The following KSR2 variants were observed in gnomAD, a reference collection of about 807,000 sequenced individuals.
KSR2 encodes the protein kinase suppressor of ras 2.
KSR2 carries 25 observed loss-of-function variants against 107.8 expected under a neutral mutation model. The ratio of observed to expected loss-of-function variants is 0.23; its 90% CI spans 0.17 to 0.32. KSR2 has a LOEUF of 0.32. Among genes scored for constraint, KSR2 ranks in the 10% least tolerant of loss-of-function variants. The pLI is 1.00. For synonymous variants in KSR2, 480 were observed against 507.0 expected (o/e 0.95, Z 0.71); for missense variants, 887 against 1,268.9 (o/e 0.70, Z 4.57).
At chr12:117,517,007 C>A (rs542038652) in intron 14 of KSR2, among the ~76,000 whole-genome samples, 6 of 152,222 alleles carry the variant, frequency 3.9e-5, no homozygotes, top group African/African-American at 1.4e-4. Flanking sequence ...CACTTGTAGG[C>A]GGCTCACAGA....
At chr12:117,724,994 A>G (rs1055769876) in intron 4 of KSR2, among the ~76,000 whole-genome samples, 4 of 152,012 alleles carry the variant, frequency 2.6e-5, no homozygotes, top group African/African-American at 9.7e-5. Flanking sequence ...TAAACAGGAA[A>G]GAAAACTGGT....
chr12:117,870,943 T>C lies in KSR2; in HGVS notation c.181-10512A>G, dbSNP rs114924333. Among the ~76,000 whole-genome samples, 776 of 151,988 alleles carry C rather than the reference T, an allele frequency of 5.1e-3. 7 individuals carry two copies. Among genetic ancestry groups the C allele is most frequent in the African/African-American group, 0.018 (726 of 41,458 alleles). ...GAAAAACCCAGAAAACTGCACAGAG[T>C]GTGAAGCTGTGTTGGGCAGAGATCG... On this transcript the variant is annotated intron_variant, in intron 1 of 19. Transcript: ENST00000339824.
At chr12:117,714,415 T>G (rs1371818613) in intron 4 of KSR2, among the ~76,000 whole-genome samples, 2 of 152,108 alleles carry the variant, frequency 1.3e-5, no homozygotes, top group Admixed American at 6.5e-5. Flanking sequence ...AGGGGAAAGA[T>G]TCTCAGAGCC....
intron 4 of KSR2, among the ~76,000 whole-genome samples, chr12:117,685,440 C>T (rs1885531828): frequency 6.6e-6 from 1 of 152,230 alleles, no homozygotes; most frequent in Admixed American, 6.5e-5. Flanking sequence ...CTCCCCTTGC[C>T]TGAAGAAAAG....
chr12:117,901,191 G>A (rs1190101607), intron 1 of KSR2, among the ~76,000 whole-genome samples: 2 of 151,996 alleles, frequency 1.3e-5, no homozygotes, highest in Admixed American at 6.6e-5. Flanking sequence ...CCAAAAAAAC[G>A]CAGGAATATG....
chr12:117,837,431 C>T (rs574125798), intron 3 of KSR2, among the ~76,000 whole-genome samples: 1 of 152,322 alleles, frequency 6.6e-6, no homozygotes, highest in East Asian at 1.9e-4. Flanking sequence ...GGTGGCCAAA[C>T]ATGACACTGC....
chr12:117,621,781 CA>C (rs1425052171), intron 5 of KSR2, among the ~76,000 whole-genome samples: 1 of 151,962 alleles, frequency 6.6e-6, no homozygotes, highest in Non-Finnish European at 1.5e-5. Flanking sequence ...CTTGTGAGCC[CA>C]AAATTATTTC....
At chr12:117,933,331 C>T (rs1895746769) in intron 1 of KSR2, among the ~76,000 whole-genome samples, 1 of 152,144 alleles carries the variant, frequency 6.6e-6, no homozygotes, top group African/African-American at 2.4e-5. Context: ...TGGCTCATGC[C>T]TGTAATCCCA....
At chr12:117,548,431 T>C (rs1254697019) in intron 9 of KSR2, among the ~76,000 whole-genome samples, 2 of 152,210 alleles carry the variant, frequency 1.3e-5, no homozygotes, top group Non-Finnish European at 2.9e-5. Flanking sequence ...TATATTTTCT[T>C]CCTTATAATT....
chr12:117,463,354 G>C lies in KSR2; in HGVS notation c.*3845C>G, dbSNP rs913659554. 6.6e-6 allele frequency: 1 copy of C among 152,110 alleles called. No individual in the cohort carries two copies. The highest frequency in any genetic ancestry group is 2.4e-5 in the African/African-American group (1 of 41,394). 9.4% of individuals were successfully genotyped at this position (152,110 alleles called of 1,614,324 possible). On this transcript the variant is annotated 3_prime_UTR_variant, in exon 20 of 20. Coordinates refer to ENST00000339824, the MANE Select transcript of KSR2 (RefSeq NM_173598.6). ...GCCATATCCAACCCTCTCTATCAAA[G>C]GCTCCTGTTCCTCCCCTGACAGCCA... is the stretch of plus-strand genomic sequence containing the variant.
intron 10 of KSR2, among the ~76,000 whole-genome samples, chr12:117,533,821 G>A (rs1467469025): frequency 6.6e-6 from 1 of 152,134 alleles, no homozygotes; most frequent in Non-Finnish European, 1.5e-5. Context: ...CAGGTGTCAG[G>A]CAACAGGACA....
At chr12:117,935,969 C>G (rs563264114) in intron 1 of KSR2, among the ~76,000 whole-genome samples, 4 of 152,222 alleles carry the variant, frequency 2.6e-5, no homozygotes, top group African/African-American at 9.6e-5. Context: ...GAAGCCTGCT[C>G]TGCTTTTTTC....
intron 1 of KSR2, among the ~76,000 whole-genome samples, chr12:117,908,178 A>G (rs1051698128): frequency 7.9e-5 from 12 of 152,156 alleles, no homozygotes; most frequent in African/African-American, 2.9e-4. Flanking sequence ...AACTTATCAC[A>G]TATCTCATAT....
chr12:117,731,800 G>A lies in KSR2; in HGVS notation c.986+29211C>T, dbSNP rs1174484454. Among the ~76,000 whole-genome samples the A allele has an allele frequency of 2.0e-5, 3 of 151,148 alleles. No individual in the cohort carries two copies. In the East Asian group the frequency reaches 5.9e-4, roughly 30 times the overall value. ...CAGGGTTAAATGGATTAAGGGCGGT[G>A]CAAGATGTGCTTTGTTAAACAGATG... On this transcript the variant is annotated intron_variant, in intron 4 of 19. Coordinates refer to ENST00000339824, the MANE Select transcript of KSR2 (RefSeq NM_173598.6).
At chr12:117,584,200 A>T (rs554841010) in intron 5 of KSR2, among the ~76,000 whole-genome samples, 60 of 152,330 alleles carry the variant, frequency 3.9e-4, no homozygotes, top group Middle Eastern at 6.8e-3. Context: ...TTTAACTAAA[A>T]ACTAAATGTC....
At chr12:117,883,161 C>T (rs1420032290) in intron 1 of KSR2, among the ~76,000 whole-genome samples, 2 of 152,146 alleles carry the variant, frequency 1.3e-5, no homozygotes, top group African/African-American at 2.4e-5. Flanking sequence ...CATCTAGCAC[C>T]ATATATTAAA....
At chr12:117,845,857 AT>A (rs113724436) in intron 3 of KSR2, among the ~76,000 whole-genome samples, 3,981 of 143,936 alleles carry the variant, frequency 0.028, 179 homozygotes, top group African/African-American at 0.092. Context: ...TTTTGTATTT[AT>A]TTTTTTTTTT....
At chr12:117,527,013 T>G (rs1340807375) in intron 13 of KSR2, 58 bp downstream of exon 13, 2 of 1,501,764 alleles carry the variant, frequency 1.3e-6, no homozygotes, top group African/African-American at 2.8e-5. Flanking sequence ...GTCAGTCGGC[T>G]TTGCCAAGTT....
intron 14 of KSR2, among the ~76,000 whole-genome samples, chr12:117,516,730 C>T (rs1108564): frequency 1.3e-5 from 2 of 151,790 alleles, no homozygotes; most frequent in Non-Finnish European, 2.9e-5. Context: ...GCAATAGACC[C>T]AAATGCCAAA....
Sources: gnomAD v4.1 joint callset for allele counts (sites outside exome capture counted in the v4.1 genomes callset) on GRCh38, gnomAD v4.1.1 for gene constraint, MANE v1.5 for transcripts, NCBI Gene and HGNC (gene_info 2026-07-23, HGNC 2026-07-21) for gene names.